Variants in PRPF19 observed in about 807,000 individuals in gnomAD.
PRPF19 encodes the protein pre-mRNA processing factor 19.
Under a neutral mutation model 64.2 loss-of-function variants are expected in PRPF19, and 2 were observed. That is an observed-to-expected ratio of 0.03 (90% confidence interval 0.01 to 0.10). PRPF19 has a LOEUF of 0.10. Ranked by LOEUF, PRPF19 falls within the 10% of genes least tolerant of loss-of-function variation. PRPF19 has a pLI of 1.00. For synonymous variants in PRPF19, 226 were observed against 251.6 expected (o/e 0.90, Z 0.96); for missense variants, 314 against 650.0 (o/e 0.48, Z 5.62).
Position 60,898,622 on chromosome 11 carries a change from G to A in PRPF19, c.1059C>T (p.Leu353=). The A allele has an allele frequency of 6.2e-7, 1 of 1,614,116 alleles. No homozygotes were observed. The highest frequency in any genetic ancestry group is 8.5e-7 in the Non-Finnish European group (1 of 1,180,034). The part of the protein sequence containing the change: ...KVTDETSGCS[L]TCAQFHPDGL... ...CGTCAGGGTGGAACTGTGCACAGGT[G>A]AGAGCTGTGGAGGAGGGAAGAGAGA... Residue 353 remains leucine (L), a synonymous_variant, in exon 13 of 16, where the codon CTC becomes CTT. Transcript: ENST00000227524. This position sits in a 1 kb window ranked among gnomAD's most constrained non-coding sequence, Gnocchi z 4.6.
intron 1 of PRPF19, chr11:60,905,429 CCT>C (rs1856035286): frequency 6.6e-6 from 1 of 152,178 alleles, no homozygotes; most frequent in African/African-American, 2.4e-5. Flanking sequence ...CCTTCTTCCC[CCT>C]CTTTGGATCA....
chr11:60,894,952 A>C (rs1445544277), intron 15 of PRPF19, among the ~76,000 whole-genome samples: 1 of 152,212 alleles, frequency 6.6e-6, no homozygotes, highest in Non-Finnish European at 1.5e-5. Flanking sequence ...TATTCAGTAA[A>C]CCATGCTGTA....
chr11:60,906,216 G>C, intron 1 of PRPF19, 148 bp downstream of exon 1: 1 of 1,279,686 alleles, frequency 7.8e-7, no homozygotes, highest in South Asian at 1.7e-5. Context: ...CCGACGGGGG[G>C]GGCTCCGGTG....
intron 8 of PRPF19, 21 bp downstream of exon 8, chr11:60,901,274 A>G: frequency 6.2e-7 from 1 of 1,611,818 alleles, no homozygotes; most frequent in South Asian, 1.1e-5. Context: ...TCTCCAAGAC[A>G]GTGGAGACCC....
intron 10 of PRPF19, among the ~76,000 whole-genome samples, chr11:60,899,920 C>T (rs1415299951): frequency 6.6e-6 from 1 of 152,128 alleles, no homozygotes; most frequent in Non-Finnish European, 1.5e-5. Context: ...ACTATTAATA[C>T]CCCATAAGCA....
chr11:60,898,037 T>C lies in PRPF19; in HGVS notation c.1311+64A>G. On this transcript the variant is annotated intron_variant, in intron 14 of 15. Coordinates refer to ENST00000227524, the MANE Select transcript of PRPF19 (RefSeq NM_014502.5). The surrounding 1 kb of genome is among the most constrained non-coding windows in gnomAD (Gnocchi z 4.6). ...GGATAAGCAGAAGCAATTAGATTAATTCAATAAATAATTGACAAACAAGGA... is the reference window on the plus strand; with the variant it reads ...GGATAAGCAGAAGCAATTAGATTAACTCAATAAATAATTGACAAACAAGGA... The C allele has an allele frequency of 6.2e-7, 1 of 1,606,414 alleles. No homozygotes were observed. Among genetic ancestry groups the C allele is most frequent in the Non-Finnish European group, 8.5e-7 (1 of 1,174,644 alleles).
In PRPF19 at chr11:60,902,453, G is replaced by T; in HGVS notation, c.475C>A (p.Pro159Thr). 6.2e-7 allele frequency: 1 copy of T among 1,614,082 alleles called. No individual in the cohort carries two copies. The highest frequency in any genetic ancestry group is 8.5e-7 in the Non-Finnish European group (1 of 1,179,996). ...CCCACCAGCTCACCCAAATCCATTG[G>T]CTCACCCGCACCCTGAAGAGAAGAA... is the stretch of plus-strand genomic sequence containing the variant. ...SQPSVVGAGE[P>T]MDLGELVGMT... The change falls in exon 6 of 16, where the codon CCA becomes ACA. Residue 159 changes from proline to threonine, a missense_variant. By Grantham distance (38) the Pro-to-Thr change is conservative (BLOSUM62 -1). This residue lies in a region of PRPF19 where 175 missense variants were observed against 342.9 expected (regional missense o/e 0.51). Transcript: ENST00000227524. The surrounding 1 kb of genome is among the most constrained non-coding windows in gnomAD (Gnocchi z 5.0).
intron 15 of PRPF19, among the ~76,000 whole-genome samples, chr11:60,892,191 CTG>C (rs1038523801): frequency 1.5e-4 from 23 of 152,236 alleles, no homozygotes; most frequent in African/African-American, 5.3e-4. Flanking sequence ...GGCCACATAA[CTG>C]TTAGGTTAGA....
chr11:60,898,833 A>G lies in PRPF19; in HGVS notation c.1054+29T>C. ...AAAATAAATAATAAACAGCAAACAA[A>G]AAAGCTGAGTGCCTATGAGGCAACT... On this transcript the variant is annotated intron_variant, in intron 12 of 15. Transcript: ENST00000227524. The surrounding 1 kb of genome is among the most constrained non-coding windows in gnomAD (Gnocchi z 4.6). 6.5e-7 allele frequency: 1 copy of G among 1,549,514 alleles called. No individual in the cohort carries two copies. Among genetic ancestry groups the G allele is most frequent in the African/African-American group, 1.4e-5 (1 of 72,630 alleles).
chr11:60,903,926 T>A (rs763514464), intron 1 of PRPF19, 65 bp from the exon 2 acceptor site: 1 of 1,565,616 alleles, frequency 6.4e-7, no homozygotes, highest in African/African-American at 1.4e-5. Flanking sequence ...GGATTCCTCA[T>A]CTGCTATTAG....
rs780935730 is a variant in PRPF19 at position 60,902,403 on chromosome 11, C to T, written c.525G>A (p.Lys175=). 1.9e-6 allele frequency: 3 copies of T among 1,613,682 alleles called. No individual in the cohort carries two copies. The highest frequency in any genetic ancestry group is 2.7e-5 in the African/African-American group (2 of 74,914). ...LVGMTPEIIQ[K]LQDKATVLTT... is the part of the protein sequence containing the mutation. Reference sequence around the variant, plus strand: ...CCCACCAGGTGAGAGCAGGACTTACCTTCTGAATAATCTCTGGGGTCATTC... The same window carrying T: ...CCCACCAGGTGAGAGCAGGACTTACTTTCTGAATAATCTCTGGGGTCATTC... Residue 175 remains lysine, a splice_region_variant and synonymous_variant, in exon 6 of 16, where the codon AAG becomes AAA. Transcript: ENST00000227524. This position sits in a 1 kb window ranked among gnomAD's most constrained non-coding sequence, Gnocchi z 5.0.
At position 60,906,504 on chromosome 11, in the gene PRPF19, C is replaced by G; in HGVS notation, c.-122G>C. On this transcript the variant is annotated 5_prime_UTR_variant, in exon 1 of 16. Transcript: ENST00000227524. ...CTGCTCCGCGGCGAGCTGGGAGCCG[C>G]CAGCCGAGCGATGCTAGCGTAGCGC... 9.1e-7 allele frequency: 1 copy of G among 1,094,326 alleles called. No individual in the cohort carries two copies. The allele number at this position is 1,094,326 out of a possible 1,614,324, so 67.8% of individuals were successfully genotyped here.
At chr11:60,900,816 C>T (rs375491765) in intron 9 of PRPF19, 38 bp downstream of exon 9, 7 of 1,611,828 alleles carry the variant, frequency 4.3e-6, no homozygotes, top group Non-Finnish European at 5.9e-6. Context: ...TGCTGCCCCT[C>T]CCCACTTTGG....
In PRPF19 at chr11:60,903,806, A is replaced by G; in HGVS notation, c.75T>C (p.Tyr25=). 1.2e-6 allele frequency: 2 copies of G among 1,607,282 alleles called. No individual in the cohort carries two copies. Among genetic ancestry groups the G allele is most frequent in the East Asian group, 2.2e-5 (1 of 44,836 alleles). ...TGTACTTCTCGATGAGCCGCCGCTC[A>G]TAAACATGATTAGAGACAGGGGATA... ...PCVSPVSNHV[Y]ERRLIEKYIA... is the part of the protein sequence containing the mutation. The change falls in exon 2 of 16, where the codon TAT becomes TAC. Residue 25 remains tyrosine (Y), a synonymous_variant. Coordinates refer to ENST00000227524, the MANE Select transcript of PRPF19 (RefSeq NM_014502.5).
chr11:60,899,438 C>T, intron 10 of PRPF19, 134 bp from the exon 11 acceptor site: 2 of 933,518 alleles, frequency 2.1e-6, no homozygotes, highest in South Asian at 1.7e-5. Flanking sequence ...TCCCTGGAAC[C>T]ACCTATCCAC....
chr11:60,891,807 G>A (rs1039592767), intron 15 of PRPF19, among the ~76,000 whole-genome samples: 1 of 152,196 alleles, frequency 6.6e-6, no homozygotes, highest in African/African-American at 2.4e-5. Context: ...AGCTCACGCT[G>A]TATTTTCAGC....
intron 10 of PRPF19, 104 bp from the exon 11 acceptor site, chr11:60,899,408 T>G: frequency 3.9e-6 from 5 of 1,269,186 alleles, no homozygotes; most frequent in Non-Finnish European, 5.5e-6. Context: ...CAACAATTGC[T>G]TCTCCTTTCA....
At position 60,902,492 on chromosome 11, in the gene PRPF19, A is replaced by G. The variant is rs372162951; in HGVS notation, c.463-27T>C. 87 of 1,613,092 alleles carry G rather than the reference A, an allele frequency of 5.4e-5. No homozygotes were observed. The African/African-American group carries it at 5.7e-4, about 11-fold the overall frequency. On this transcript the variant is annotated intron_variant, in intron 5 of 15. Transcript: ENST00000227524. This position sits in a 1 kb window ranked among gnomAD's most constrained non-coding sequence, Gnocchi z 5.0. ...TGAAGAGAAGAAAGGTGAGGGTGAG[A>G]GGCACAGAGCACCAAAGACACCTGC...
At position 60,903,714 on chromosome 11, in the gene PRPF19, T is replaced by A; in HGVS notation, c.167A>T (p.Lys56Ile). The A allele has an allele frequency of 6.3e-7, 1 of 1,593,058 alleles. No homozygotes were observed. Among genetic ancestry groups the A allele is most frequent in the Non-Finnish European group, 8.5e-7 (1 of 1,171,902 alleles). The part of the protein sequence containing the change: ...PLSEEQLIDI[K>I]VAHPIRPKPP... ...AGACTAAGGCAGCCAATAGGCACCT[T>A]TGATGTCGATGAGCTGCTCCTCGGA... Residue 56 changes from lysine (K) to isoleucine (I), a missense_variant and splice_region_variant, in exon 2 of 16, where the codon AAA (lysine) becomes ATA (isoleucine). Physicochemically the swap from Lys to Ile is moderately radical, Grantham distance 102. Around this residue, in one of 7 missense-constraint regions of PRPF19, gnomAD observed 66 missense variants for 88.4 expected, o/e 0.75. Coordinates refer to ENST00000227524, the MANE Select transcript of PRPF19 (RefSeq NM_014502.5).
Sources: gnomAD v4.1 joint callset for allele counts (sites outside exome capture counted in the v4.1 genomes callset) on GRCh38, gnomAD v4.1.1 for gene constraint, gnomAD v4.1.1 regional missense constraint, Gnocchi (gnomAD v3.1) non-coding constraint, MANE v1.5 for transcripts, NCBI Gene and HGNC (gene_info 2026-07-23, HGNC 2026-07-21) for gene names.